POLDIP3: variants seen among roughly 807,000 people sequenced by gnomAD.
POLDIP3 encodes DNA polymerase delta interacting protein 3.
POLDIP3 carries 14 observed loss-of-function variants against 45.1 expected under a neutral mutation model. The observed-to-expected ratio is 0.31, with a 90% confidence interval of 0.20 to 0.49. The LOEUF is 0.49. POLDIP3 is among the 20% of genes least tolerant of loss of function. The pLI, the probability that POLDIP3 is intolerant of heterozygous loss-of-function variation, is 0.99. For missense variants in POLDIP3, 511 were observed against 538.8 expected (o/e 0.95, Z 0.51); for synonymous variants, 223 against 205.2 (o/e 1.09, Z -0.74).
In POLDIP3 at chr22:42,599,745, T is replaced by G. The variant is rs758545812; in HGVS notation, c.586A>C (p.Thr196Pro). ...EDDDGIASVP[T>P]KQMKFAASGG... ...GAGGCTGCAAACTTCATCTGTTTAG[T>G]AGGAACGGAAGCTATACCATCATCA... The change falls in exon 4 of 9, where the codon ACT (threonine) becomes CCT (proline). Residue 196 changes from threonine to proline, a missense_variant. Transcript: ENST00000252115. 6.2e-7 allele frequency: 1 copy of G among 1,612,624 alleles called. No homozygotes were observed. Among genetic ancestry groups the G allele is most frequent in the Non-Finnish European group, 8.5e-7 (1 of 1,178,772 alleles).
intron 4 of POLDIP3, 129 bp from the exon 5 acceptor site, chr22:42,596,494 TCTGGAGCCAAA>T (rs1220796961): frequency 3.2e-6 from 3 of 947,208 alleles, no homozygotes; most frequent in African/African-American, 3.3e-5. Context: ...CTATTAGAGG[TCTGGAGCCAAA>T]AAGGCTGCCG....
At chr22:42,605,256 T>C (rs1447700337) in intron 1 of POLDIP3, among the ~76,000 whole-genome samples, 2 of 152,250 alleles carry the variant, frequency 1.3e-5, no homozygotes, top group African/African-American at 4.8e-5. Flanking sequence ...GCCTCCCAAG[T>C]AGCTGGGACT....
At chr22:42,608,659 G>A (rs375317714) in intron 1 of POLDIP3, among the ~76,000 whole-genome samples, 217 of 152,228 alleles carry the variant, frequency 1.4e-3, no homozygotes, top group Middle Eastern at 0.014. Flanking sequence ...CACAAGCAGC[G>A]AGGCGAGCGG....
At chr22:42,608,807 G>C (rs1197571292) in intron 1 of POLDIP3, among the ~76,000 whole-genome samples, 2 of 152,134 alleles carry the variant, frequency 1.3e-5, no homozygotes, top group African/African-American at 4.8e-5. Context: ...CGGTAGTTGA[G>C]GATGTAGTAG....
rs754227868 is a variant in POLDIP3, at chr22:42,584,202, C to G, written c.*1589G>C. 1.3e-5 allele frequency: 2 copies of G among 152,798 alleles called. No individual in the cohort carries two copies. The highest frequency in any genetic ancestry group is 2.9e-5 in the Non-Finnish European group (2 of 68,176). The allele number at this position is 152,798 out of a possible 1,614,324, so 9.5% of individuals were successfully genotyped here. On this transcript the variant is annotated 3_prime_UTR_variant, in exon 9 of 9. Transcript: ENST00000252115. The stretch of plus-strand genomic sequence containing the variant: ...AAAGTGTGGGAGGAATGTCTTCCAG[C>G]TGCTAACGAGAAGTCTGCACCCACT...
At chr22:42,595,908 C>A (rs1438258850) in intron 5 of POLDIP3, among the ~76,000 whole-genome samples, 3 of 152,230 alleles carry the variant, frequency 2.0e-5, no homozygotes, top group African/African-American at 7.2e-5. Context: ...TCCCAGACTT[C>A]CCAACTGGAA....
Position 42,603,022 on chromosome 22 carries a change from C to T in POLDIP3, c.198G>A (p.Arg66=). The T allele has an allele frequency of 6.2e-7, 1 of 1,614,150 alleles. No individual in the cohort carries two copies. The highest frequency in any genetic ancestry group is 1.6e-4 in the Middle Eastern group (1 of 6,062). ...ARQKIGLSDA[R]LKLGVKDARE... is the part of the protein sequence containing the mutation. ...GGGCATCCTTGACTCCCAGTTTGAG[C>T]CGGGCATCTGAGAGGCCAATCTTCT... The change falls in exon 2 of 9, where the codon CGG becomes CGA. Residue 66 remains arginine (R), a synonymous_variant. Transcript: ENST00000252115.
chr22:42,599,909 G>A, intron 3 of POLDIP3, 116 bp from the exon 4 acceptor site: 2 of 722,996 alleles, frequency 2.8e-6, no homozygotes, highest in Admixed American at 5.4e-5. Flanking sequence ...CCAAGGAGAA[G>A]TGGGCACAGG....
intron 4 of POLDIP3, among the ~76,000 whole-genome samples, chr22:42,599,326 G>T (rs546231283): frequency 6.6e-6 from 1 of 152,258 alleles, no homozygotes; most frequent in African/African-American, 2.4e-5. Context: ...TATTCACGCC[G>T]GGCGCAGTGG....
intron 1 of POLDIP3, among the ~76,000 whole-genome samples, chr22:42,606,750 C>G (rs1177430142): frequency 6.6e-6 from 1 of 152,162 alleles, no homozygotes; most frequent in Non-Finnish European, 1.5e-5. Context: ...GCCACCATGC[C>G]CAGCTTTAGA....
At position 42,601,967 on chromosome 22, in the gene POLDIP3, T is replaced by C. The variant is rs763960123; in HGVS notation, c.537+3A>G. On this transcript the variant is annotated splice_donor_region_variant and intron_variant, in intron 3 of 8. Transcript: ENST00000252115. ...CTCTCTCTCTCTCACTCACTCACTC[T>C]ACCTGTTTGGCCTGGTGGTTATTGA... is the stretch of plus-strand genomic sequence containing the variant. 6.2e-7 allele frequency: 1 copy of C among 1,612,998 alleles called. No individual in the cohort carries two copies. Among genetic ancestry groups the C allele is most frequent in the Admixed American group, 1.7e-5 (1 of 59,972 alleles).
chr22:42,591,896 A>C lies in POLDIP3; in HGVS notation c.1021+59T>G. 3 of 1,607,442 alleles carry C rather than the reference A, an allele frequency of 1.9e-6. No homozygotes were observed. In the South Asian group the frequency reaches 3.3e-5, roughly 18 times the overall value. ...AGAGACTTCCCCTGGAAGGCCTGCT[A>C]CCTGACAGCAAGTAGAGATGAGTGG... is the stretch of plus-strand genomic sequence containing the variant. On this transcript the variant is annotated intron_variant, in intron 7 of 8. Transcript: ENST00000252115.
At chr22:42,611,087 T>G (rs1927090182) in intron 1 of POLDIP3, among the ~76,000 whole-genome samples, 1 of 152,226 alleles carries the variant, frequency 6.6e-6, no homozygotes, top group South Asian at 2.1e-4. Context: ...CCTCTTCTGG[T>G]TCAATCATTT....
At chr22:42,607,697 G>A (rs1926834085) in intron 1 of POLDIP3, among the ~76,000 whole-genome samples, 1 of 151,846 alleles carries the variant, frequency 6.6e-6, no homozygotes, top group South Asian at 2.1e-4. Context: ...CGTCTGAGAT[G>A]TGGGGAGAGC....
chr22:42,596,634 C>G (rs1926011839), intron 4 of POLDIP3, among the ~76,000 whole-genome samples: 1 of 152,234 alleles, frequency 6.6e-6, no homozygotes, highest in African/African-American at 2.4e-5. Context: ...AGCTTCCATA[C>G]AGCCCTGACC....
chr22:42,595,470 G>T, intron 6 of POLDIP3, 67 bp downstream of exon 6: 1 of 1,410,058 alleles, frequency 7.1e-7, no homozygotes, highest in Non-Finnish European at 1.0e-6. Flanking sequence ...CCTGAGGGTG[G>T]GTCTTAAGAG....
chr22:42,603,842 A>C (rs752729861), intron 1 of POLDIP3, among the ~76,000 whole-genome samples: 1 of 152,258 alleles, frequency 6.6e-6, no homozygotes, highest in Non-Finnish European at 1.5e-5. Flanking sequence ...AGGGTTCGCT[A>C]TTTGGGTAAT....
At chr22:42,593,662 G>C (rs977981166) in intron 6 of POLDIP3, among the ~76,000 whole-genome samples, 1 of 152,144 alleles carries the variant, frequency 6.6e-6, no homozygotes, top group Admixed American at 6.5e-5. Flanking sequence ...GGGACTACAG[G>C]CACGTGCCAC....
chr22:42,600,464 A>C (rs1160553892), intron 3 of POLDIP3, among the ~76,000 whole-genome samples: 2 of 151,466 alleles, frequency 1.3e-5, no homozygotes, highest in African/African-American at 4.9e-5. Context: ...GTCTCTACGA[A>C]AAATACAAAC....
Sources: allele counts gnomAD v4.1 joint callset (sites outside exome capture counted in the v4.1 genomes callset), GRCh38; gene constraint gnomAD v4.1.1; transcripts MANE v1.5; gene names NCBI Gene and HGNC (gene_info 2026-07-23, HGNC 2026-07-21).